DPP6: variants seen among roughly 807,000 people sequenced by gnomAD.
DPP6 encodes dipeptidyl peptidase like 6, also known as A-type potassium channel modulatory protein DPP6.
Under a neutral mutation model 122.6 loss-of-function variants are expected in DPP6, and 69 were observed. That is an observed-to-expected ratio of 0.56 (90% CI 0.46 to 0.69). The LOEUF is 0.69. Among genes scored for constraint, DPP6 ranks in the 30% least tolerant of loss-of-function variants. The pLI, the probability that DPP6 is intolerant of heterozygous loss-of-function variation, is 0.00. For synonymous variants in DPP6, 418 were observed against 433.1 expected (o/e 0.97, Z 0.43); for missense variants, 928 against 1,116.9 (o/e 0.83, Z 2.41).
In DPP6 at chr7:154,794,162, T is replaced by C. The variant is rs1389526702; in HGVS notation, c.1220T>C (p.Ile407Thr). The C allele has an allele frequency of 1.2e-6, 2 of 1,612,554 alleles. No homozygotes were observed. Among genetic ancestry groups the C allele is most frequent in the Non-Finnish European group, 1.7e-6 (2 of 1,179,290 alleles). Residue 407 changes from isoleucine to threonine, a missense_variant, in exon 11 of 26, where the codon ATC (isoleucine) becomes ACC (threonine). Coordinates refer to ENST00000377770, the MANE Select transcript of DPP6 (RefSeq NM_130797.4). Reference sequence around the variant, plus strand: ...CTGAACCGGGCGCAGAACGTGTCCATCCTCACCCTCTGCGACGCCACCACG... The same window carrying C: ...CTGAACCGGGCGCAGAACGTGTCCACCCTCACCCTCTGCGACGCCACCACG... ...TWLNRAQNVS[I>T]LTLCDATTGV... is the part of the protein sequence containing the mutation.
intron 8 of DPP6, among the ~76,000 whole-genome samples, chr7:154,764,457 A>C (rs1483909772): frequency 1.3e-5 from 2 of 152,176 alleles, no homozygotes; most frequent in Non-Finnish European, 2.9e-5. Context: ...TTCTCAACCC[A>C]GCAGCAGGAA....
intron 1 of DPP6, among the ~76,000 whole-genome samples, chr7:154,252,811 T>A (rs917010692): frequency 6.6e-6 from 1 of 152,250 alleles, no homozygotes; most frequent in East Asian, 1.9e-4. Flanking sequence ...CAGCAACTAC[T>A]GTCAAAATTG....
chr7:154,452,108 GA>G lies in DPP6; in HGVS notation c.358+5781del, dbSNP rs2151300091. Among the ~76,000 whole-genome samples the G allele has an allele frequency of 2.0e-5, 3 of 152,360 alleles. No homozygotes were observed. The South Asian group carries it at 6.2e-4, about 32-fold the overall frequency. ...CCTCGACAGAGAATGCCTGCCAACA[GA>G]GCCAGCATGAATGATCCCGGCTAGG... On this transcript the variant is annotated intron_variant, in intron 2 of 25. Transcript: ENST00000377770.
intron 1 of DPP6, among the ~76,000 whole-genome samples, chr7:154,377,849 A>T (rs1813262051): frequency 6.6e-6 from 1 of 152,174 alleles, no homozygotes; most frequent in Non-Finnish European, 1.5e-5. Context: ...CTTCTAAAAC[A>T]TACATTTGTA....
chr7:154,084,114 A>AT (rs1273085264), intron 1 of DPP6, among the ~76,000 whole-genome samples: 1 of 96,990 alleles, frequency 1.0e-5, no homozygotes, highest in Non-Finnish European at 2.0e-5. Flanking sequence ...TGGAGGAGAG[A>AT]TTTTAACTCA....
chr7:153,910,169 G>A (rs1353766271), intron 1 of DPP6, among the ~76,000 whole-genome samples: 1 of 151,722 alleles, frequency 6.6e-6, no homozygotes, highest in Non-Finnish European at 1.5e-5. Flanking sequence ...ACTTCCAAGA[G>A]TGGAAGGAGG....
upstream of DPP6, among the ~76,000 whole-genome samples, chr7:154,050,314 T>A (rs1800235932): frequency 6.6e-6 from 1 of 152,354 alleles, no homozygotes; most frequent in African/African-American, 2.4e-5. Flanking sequence ...AAGTGGCACA[T>A]ATGCTTTATC....
intron 1 of DPP6, among the ~76,000 whole-genome samples, chr7:154,159,718 C>A (rs558593949): frequency 4.6e-3 from 697 of 152,374 alleles, no homozygotes; most frequent in African/African-American, 0.016. Context: ...AAAGAATGAG[C>A]AAAGCGCTAC....
chr7:154,754,770 T>A (rs1451661972), intron 8 of DPP6, among the ~76,000 whole-genome samples: 1 of 152,164 alleles, frequency 6.6e-6, no homozygotes, highest in South Asian at 2.1e-4. Context: ...ATGTGGCACA[T>A]ATACACCATG....
Position 154,868,176 on chromosome 7 carries a change from G to T in DPP6, c.1813+83G>T, listed in dbSNP as rs1210338257. On this transcript the variant is annotated intron_variant, in intron 18 of 25. Coordinates refer to ENST00000377770, the MANE Select transcript of DPP6 (RefSeq NM_130797.4). ...CACAGTGCAGTCATCAGCAGCAGGT[G>T]CCCTGCAAGGAAGACTCCCCAAGCA... 22 of 1,509,260 alleles carry T rather than the reference G, an allele frequency of 1.5e-5. No homozygotes were observed. In the East Asian group the frequency reaches 4.5e-4, roughly 31 times the overall value. 93.5% of individuals were successfully genotyped at this position (1,509,260 alleles called of 1,614,324 possible).
chr7:154,675,356 T>C (rs1013747935), intron 7 of DPP6, among the ~76,000 whole-genome samples: 5 of 151,720 alleles, frequency 3.3e-5, no homozygotes, highest in African/African-American at 1.2e-4. Context: ...TAAAGTATAA[T>C]AAAGAAAAAA....
chr7:154,445,399 G>A (rs1226165048), intron 1 of DPP6, among the ~76,000 whole-genome samples: 4 of 152,156 alleles, frequency 2.6e-5, no homozygotes, highest in Non-Finnish European at 5.9e-5. Flanking sequence ...TCACAGTTTC[G>A]ACTAAAAGTT....
the DPP6 span, among the ~76,000 whole-genome samples, chr7:153,786,924 T>A: frequency 6.9e-6 from 1 of 145,898 alleles, no homozygotes; most frequent in South Asian, 2.3e-4. Flanking sequence ...TAAAAAAACA[T>A]AGGAAGGGGA....
At chr7:154,361,083 G>A (rs1182127507) in intron 1 of DPP6, among the ~76,000 whole-genome samples, 1 of 152,112 alleles carries the variant, frequency 6.6e-6, no homozygotes, top group Non-Finnish European at 1.5e-5. Context: ...ATAGTAAGGT[G>A]CTGGATTCTG....
At chr7:154,136,748 C>A (rs1309660575) in intron 1 of DPP6, among the ~76,000 whole-genome samples, 4 of 152,160 alleles carry the variant, frequency 2.6e-5, no homozygotes, top group African/African-American at 9.7e-5. Flanking sequence ...AACCTTGAGA[C>A]CCTCTGAAAA....
intron 10 of DPP6, among the ~76,000 whole-genome samples, chr7:154,775,903 C>G (rs1796529366): frequency 6.6e-6 from 1 of 152,182 alleles, no homozygotes; most frequent in African/African-American, 2.4e-5. Context: ...TGGTCCAGGG[C>G]AACTCCACCT....
the DPP6 span, among the ~76,000 whole-genome samples, chr7:153,842,167 C>G: frequency 6.6e-6 from 1 of 152,136 alleles, no homozygotes; most frequent in African/African-American, 2.4e-5. Context: ...AATTTGCCCT[C>G]CAGAAAGGTT....
chr7:153,834,275 T>TAAAA, the DPP6 span, among the ~76,000 whole-genome samples: 1 of 139,000 alleles, frequency 7.2e-6, no homozygotes, highest in Non-Finnish European at 1.6e-5. Flanking sequence ...TGACTCCATC[T>TAAAA]AAAAAAAAAA....
At chr7:154,377,088 A>T (rs923774176) in intron 1 of DPP6, among the ~76,000 whole-genome samples, 5 of 152,170 alleles carry the variant, frequency 3.3e-5, no homozygotes, top group African/African-American at 9.7e-5. Flanking sequence ...GTTCTGAGCC[A>T]TTTTCTTGCA....
Sources: allele counts gnomAD v4.1 joint callset (sites outside exome capture counted in the v4.1 genomes callset), GRCh38; gene constraint gnomAD v4.1.1; transcripts MANE v1.5; gene names NCBI Gene and HGNC (gene_info 2026-07-23, HGNC 2026-07-21).